EFCAB13: variants seen among roughly 807,000 people sequenced by gnomAD.
The protein encoded by EFCAB13 is EF-hand calcium-binding domain-containing protein 13.
Under a neutral mutation model 110.2 loss-of-function variants are expected in EFCAB13, and 91 were observed. The observed-to-expected ratio is 0.83, with a 90% CI of 0.70 to 0.98. EFCAB13 has a LOEUF of 0.98. Ranked by LOEUF, EFCAB13 falls within the 50% of genes least tolerant of loss-of-function variation. The pLI is 0.00. For synonymous variants in EFCAB13, 323 were observed against 369.9 expected (o/e 0.87, Z 1.45); for missense variants, 968 against 1,119.4 (o/e 0.86, Z 1.93).
At chr17:47,394,438 G>A (rs932915613) in intron 16 of EFCAB13, among the ~76,000 whole-genome samples, 1 of 152,152 alleles carries the variant, frequency 6.6e-6, no homozygotes. Flanking sequence ...TAGTGCCTGA[G>A]TACTAATATG....
chr17:47,373,189 A>C (rs1034312677), intron 11 of EFCAB13, among the ~76,000 whole-genome samples: 1 of 151,938 alleles, frequency 6.6e-6, no homozygotes, highest in Non-Finnish European at 1.5e-5. Flanking sequence ...CTTGTGCTTG[A>C]TCAGTTATGT....
At position 47,413,235 on chromosome 17, in the gene EFCAB13, A is replaced by G. The variant is rs140652945; in HGVS notation, c.2422+319A>G. Among the ~76,000 whole-genome samples the G allele has an allele frequency of 4.0e-5, 4 of 100,702 alleles. No homozygotes were observed. In the South Asian group the frequency reaches 1.2e-3, roughly 30 times the overall value. The allele number at this position is 100,702 out of a possible 152,430, so 66.1% of individuals were successfully genotyped here. On this transcript the variant is annotated intron_variant, in intron 22 of 24. Transcript: ENST00000331493. ...TGATATGCAATCTTTTTCAGAGGAG[A>G]TCTGCTTTCATTTTTTTTTTACAGT... is the stretch of plus-strand genomic sequence containing the variant.
At chr17:47,429,394 A>G (rs1287068225) in intron 23 of EFCAB13, among the ~76,000 whole-genome samples, 3 of 152,164 alleles carry the variant, frequency 2.0e-5, no homozygotes, top group African/African-American at 4.8e-5. Flanking sequence ...TTGACTACCT[A>G]TATGTTTCTA....
chr17:47,344,038 C>A, intron 6 of EFCAB13, 124 bp from the exon 7 acceptor site: 6 of 1,127,464 alleles, frequency 5.3e-6, no homozygotes, highest in South Asian at 2.2e-5. Context: ...AATTTTACAC[C>A]AGAAGCATAA....
At chr17:47,347,716 T>G in intron 8 of EFCAB13, 92 bp from the exon 9 acceptor site, 1 of 1,046,270 alleles carries the variant, frequency 9.6e-7, no homozygotes, top group Non-Finnish European at 1.3e-6. Flanking sequence ...TTGGCTCCCT[T>G]TTTAGTGATT....
At position 47,328,261 on chromosome 17, in the gene EFCAB13, T is replaced by A; in HGVS notation, c.-85-8T>A. The A allele has an allele frequency of 9.2e-7, 1 of 1,091,532 alleles. No individual in the cohort carries two copies. The highest frequency in any genetic ancestry group is 1.4e-6 in the Non-Finnish European group (1 of 716,528). 67.6% of individuals were successfully genotyped at this position (1,091,532 alleles called of 1,614,324 possible). ...GCGTATGATTTCTTCTTTCTCTTTT[T>A]TTGGCAGGAAATCCTTTTGTACTAT... is the stretch of plus-strand genomic sequence containing the variant. On this transcript the variant is annotated splice_region_variant and splice_polypyrimidine_tract_variant and intron_variant, in intron 3 of 24. Transcript: ENST00000331493.
chr17:47,421,641 G>A (rs200294239), intron 23 of EFCAB13, among the ~76,000 whole-genome samples: 102 of 129,240 alleles, frequency 7.9e-4, no homozygotes, highest in Non-Finnish European at 8.1e-4. Context: ...AAGAAAGAAA[G>A]AAAAAAAAAA....
At chr17:47,347,171 G>A (rs1484046868) in intron 8 of EFCAB13, among the ~76,000 whole-genome samples, 2 of 152,144 alleles carry the variant, frequency 1.3e-5, no homozygotes, top group Non-Finnish European at 2.9e-5. Context: ...AGAGGCTGAG[G>A]TAGGAGGATT....
At position 47,431,517 on chromosome 17, in the gene EFCAB13, G is replaced by T. The variant is rs1485165753; in HGVS notation, c.2638+1556G>T. 6.6e-6 allele frequency among the ~76,000 whole-genome samples: 1 copy of T among 151,450 alleles called. No homozygotes were observed. Among genetic ancestry groups the T allele is most frequent in the East Asian group, 1.9e-4 (1 of 5,184 alleles). ...GGTCAAAATTTTTCTGATTTCTGTTGTCATTTTTTCTTCAACTCATGGTTT... is the reference window on the plus strand; with the variant it reads ...GGTCAAAATTTTTCTGATTTCTGTTTTCATTTTTTCTTCAACTCATGGTTT... On this transcript the variant is annotated intron_variant, in intron 24 of 24. Coordinates refer to ENST00000331493, the MANE Select transcript of EFCAB13 (RefSeq NM_152347.5). The surrounding 1 kb of genome is among the most constrained non-coding windows in gnomAD (Gnocchi z 4.1).
Position 47,429,820 on chromosome 17 carries a change from A to G in EFCAB13, c.2497A>G (p.Thr833Ala), listed in dbSNP as rs773011193. 5.0e-6 allele frequency: 8 copies of G among 1,595,576 alleles called. No homozygotes were observed. The highest frequency in any genetic ancestry group is 5.1e-6 in the Non-Finnish European group (6 of 1,167,874). Residue 833 changes from threonine (T) to alanine (A), a missense_variant and splice_region_variant, in exon 24 of 25, where the codon ACA becomes GCA. Thr to Ala is a moderately conservative substitution (Grantham distance 58, BLOSUM62 0). Transcript: ENST00000331493. ...TTGCTTTTGCTCTCCTTTTGCAGCTACACAGATACTCTTAGCTACTACCCA... is the reference window on the plus strand; with the variant it reads ...TTGCTTTTGCTCTCCTTTTGCAGCTGCACAGATACTCTTAGCTACTACCCA... ...ESPHFQKSKA[T>A]QILLATTQIL...
rs1251350214 is a variant in EFCAB13, at chr17:47,421,050, A to G, written c.2494+6131A>G. On this transcript the variant is annotated intron_variant, in intron 23 of 24. Coordinates refer to ENST00000331493, the MANE Select transcript of EFCAB13 (RefSeq NM_152347.5). ...GGGTCAGCCCCCCGCCCGGCCAGCCACCCCGCCCGGGAGGTGAGGGGCGCC... is the reference window on the plus strand; with the variant it reads ...GGGTCAGCCCCCCGCCCGGCCAGCCGCCCCGCCCGGGAGGTGAGGGGCGCC... Among the ~76,000 whole-genome samples, 9 of 136,546 alleles carry G rather than the reference A, an allele frequency of 6.6e-5. No homozygotes were observed. The East Asian group carries it at 1.4e-3, about 21-fold the overall frequency. 89.6% of individuals were successfully genotyped at this position (136,546 alleles called of 152,430 possible).
chr17:47,385,466 G>A (rs939358569), intron 14 of EFCAB13, among the ~76,000 whole-genome samples: 2 of 151,738 alleles, frequency 1.3e-5, no homozygotes, highest in African/African-American at 2.4e-5. Flanking sequence ...GCTTCATGAA[G>A]TTCTTGTGCC....
chr17:47,359,908 G>A (rs1372237431), intron 9 of EFCAB13, among the ~76,000 whole-genome samples: 1 of 150,420 alleles, frequency 6.6e-6, no homozygotes, highest in Admixed American at 6.6e-5. Flanking sequence ...AGTTTACTGA[G>A]AATGATGATT....
intron 17 of EFCAB13, among the ~76,000 whole-genome samples, chr17:47,401,563 T>C (rs921795188): frequency 6.6e-6 from 1 of 152,090 alleles, no homozygotes; most frequent in Non-Finnish European, 1.5e-5. Context: ...TGTCTAGGAA[T>C]ATGTCTTGGT....
chr17:47,392,288 T>C (rs1157971919), intron 15 of EFCAB13, among the ~76,000 whole-genome samples: 1 of 152,210 alleles, frequency 6.6e-6, no homozygotes, highest in Non-Finnish European at 1.5e-5. Context: ...TGTCTGTAGA[T>C]TCAGAGACCC....
rs539355030 is a variant in EFCAB13, at chr17:47,344,350, C to A, written c.434+58C>A. 1.8e-5 allele frequency: 28 copies of A among 1,558,816 alleles called. No homozygotes were observed. The South Asian group carries it at 3.2e-4, about 18-fold the overall frequency. On this transcript the variant is annotated intron_variant, in intron 7 of 24. Coordinates refer to ENST00000331493, the MANE Select transcript of EFCAB13 (RefSeq NM_152347.5). Reference sequence around the variant, plus strand: ...GTTGGGTTCAGACTTGGGTGTTTCTCTCCAGAATCATTTATCCCTTCCACA... The same window carrying A: ...GTTGGGTTCAGACTTGGGTGTTTCTATCCAGAATCATTTATCCCTTCCACA...
chr17:47,426,849 CT>C (rs1904979126), intron 23 of EFCAB13, among the ~76,000 whole-genome samples: 1 of 152,056 alleles, frequency 6.6e-6, no homozygotes, highest in Non-Finnish European at 1.5e-5. Context: ...GTGGTTTGGT[CT>C]CAAAAGTCTC....
chr17:47,394,818 T>G lies in EFCAB13; in HGVS notation c.1801+719T>G, dbSNP rs1355696758. Among the ~76,000 whole-genome samples, 4 of 152,234 alleles carry G rather than the reference T, an allele frequency of 2.6e-5. No homozygotes were observed. The East Asian group carries it at 7.7e-4, about 29-fold the overall frequency. ...AAGAGATTGTCAGTTACTTCATTTT[T>G]CCTAGGAAATTCACTTTTATGGAGT... On this transcript the variant is annotated intron_variant, in intron 16 of 24. Coordinates refer to ENST00000331493, the MANE Select transcript of EFCAB13 (RefSeq NM_152347.5).
At chr17:47,325,966 T>G in intron 2 of EFCAB13, among the ~76,000 whole-genome samples, 1 of 90,068 alleles carries the variant, frequency 1.1e-5, no homozygotes, top group African/African-American at 4.3e-5. Context: ...ATATATAGCA[T>G]ATATATATTT....
Sources: allele counts gnomAD v4.1 joint callset (sites outside exome capture counted in the v4.1 genomes callset), GRCh38; gene constraint gnomAD v4.1.1; non-coding constraint Gnocchi (gnomAD v3.1); transcripts MANE v1.5; gene names NCBI Gene and HGNC (gene_info 2026-07-23, HGNC 2026-07-21).